BMPER: variants seen among roughly 807,000 people sequenced by gnomAD.
BMPER encodes BMP-binding endothelial regulator protein.
Under a neutral mutation model 87.3 loss-of-function variants are expected in BMPER, and 45 were observed. The ratio of observed to expected loss-of-function variants is 0.52; its 90% CI spans 0.41 to 0.66. BMPER has a LOEUF of 0.66. Among genes scored for constraint, BMPER ranks in the 30% least tolerant of loss-of-function variants. BMPER has a pLI of 0.00. For missense variants in BMPER, 784 were observed against 867.5 expected (o/e 0.90, Z 1.21); for synonymous variants, 326 against 316.2 (o/e 1.03, Z -0.33).
intron 6 of BMPER, among the ~76,000 whole-genome samples, chr7:34,027,696 A>T (rs924106869): frequency 3.3e-5 from 5 of 152,212 alleles, no homozygotes; most frequent in Non-Finnish European, 7.4e-5. Flanking sequence ...AAAATTTTTT[A>T]AAAAATGAGC....
intron 11 of BMPER, among the ~76,000 whole-genome samples, chr7:34,077,550 A>G (rs2127973242): frequency 6.6e-6 from 1 of 152,244 alleles, no homozygotes; most frequent in African/African-American, 2.4e-5. Context: ...TTTCTTTTAT[A>G]CTCTCTATTA....
intron 2 of BMPER, among the ~76,000 whole-genome samples, chr7:33,923,364 G>A (rs1286734001): frequency 6.6e-6 from 1 of 152,172 alleles, no homozygotes; most frequent in Non-Finnish European, 1.5e-5. Context: ...TGGTCACTAA[G>A]CTCTAGTGGG....
intron 13 of BMPER, among the ~76,000 whole-genome samples, chr7:34,108,930 G>T (rs1348946804): frequency 6.6e-6 from 1 of 152,180 alleles, no homozygotes; most frequent in Admixed American, 6.6e-5. Context: ...AGAGTGGGTG[G>T]TCATGGAAGG....
intron 6 of BMPER, among the ~76,000 whole-genome samples, chr7:34,032,480 T>TA (rs142888541): frequency 0.017 from 2,544 of 152,244 alleles, 77 homozygotes; most frequent in African/African-American, 0.058. Context: ...AATCGAATGA[T>TA]AGAGAAGATT....
chr7:34,015,360 A>G (rs568918623), intron 6 of BMPER, among the ~76,000 whole-genome samples: 1 of 152,114 alleles, frequency 6.6e-6, no homozygotes, highest in Non-Finnish European at 1.5e-5. Context: ...AAGCTCTTAG[A>G]AGAGTAACCT....
At chr7:34,128,115 T>C (rs983070256) in intron 13 of BMPER, among the ~76,000 whole-genome samples, 3 of 152,332 alleles carry the variant, frequency 2.0e-5, no homozygotes, top group South Asian at 2.1e-4. Context: ...TTGATGTTCT[T>C]GGGTCCCCAA....
intron 6 of BMPER, among the ~76,000 whole-genome samples, chr7:34,036,954 C>T (rs1335104018): frequency 6.6e-6 from 1 of 152,104 alleles, no homozygotes; most frequent in Non-Finnish European, 1.5e-5. Context: ...GCAGGAAGAG[C>T]TAAGATCAAG....
chr7:34,101,436 G>A (rs1280973220), intron 13 of BMPER, among the ~76,000 whole-genome samples: 3 of 152,130 alleles, frequency 2.0e-5, no homozygotes, highest in Non-Finnish European at 4.4e-5. Flanking sequence ...TACATCAGGT[G>A]GAAAATCTCT....
At chr7:34,093,825 G>T (rs999316620) in intron 13 of BMPER, among the ~76,000 whole-genome samples, 1 of 152,102 alleles carries the variant, frequency 6.6e-6, no homozygotes, top group African/African-American at 2.4e-5. Context: ...ATCTCTTTTG[G>T]CTGCTTAGGG....
rs529734867 is a variant in BMPER, at chr7:34,141,378, G to A, written c.1746-1852G>A. Among the ~76,000 whole-genome samples, 51 of 152,032 alleles carry A rather than the reference G, an allele frequency of 3.4e-4. 1 individual carries two copies. Among genetic ancestry groups the A allele is most frequent in the Non-Finnish European group, 6.9e-4 (47 of 68,008 alleles). ...TAACCCCAGCACTTTGGGAGGCCGA[G>A]GTGGGTGGATCATCTGAGGTCAGGA... On this transcript the variant is annotated intron_variant, in intron 13 of 14. Coordinates refer to ENST00000649409, the MANE Select transcript of BMPER (RefSeq NM_001365308.1).
At chr7:34,145,500 C>T (rs1160273525) in intron 14 of BMPER, among the ~76,000 whole-genome samples, 1 of 152,142 alleles carries the variant, frequency 6.6e-6, no homozygotes, top group African/African-American at 2.4e-5. Flanking sequence ...GGCAAATGGT[C>T]CACCTCTAAC....
intron 13 of BMPER, among the ~76,000 whole-genome samples, chr7:34,112,548 C>T: frequency 6.8e-6 from 1 of 146,296 alleles, no homozygotes; most frequent in African/African-American, 2.5e-5. Context: ...AAAATCACTT[C>T]ATCCAGAGAA....
Position 34,079,302 on chromosome 7 carries a change from G to A in BMPER, c.1408+116G>A, listed in dbSNP as rs1788951622. 8.1e-6 allele frequency: 11 copies of A among 1,352,628 alleles called. No individual in the cohort carries two copies. In the South Asian group the frequency reaches 9.0e-5, roughly 11 times the overall value. The allele number at this position is 1,352,628 out of a possible 1,614,324, so 83.8% of individuals were successfully genotyped here. A position where few individuals can be genotyped will look rare whatever the true frequency, so the allele number is the denominator to read the frequency against. ...GTTCCTCCTCCGAGCAAAAACCCAA[G>A]GCAGAGCCAGGTTCCAACTGCGGGA... On this transcript the variant is annotated intron_variant, in intron 12 of 14. Transcript: ENST00000649409.
chr7:34,114,997 A>G (rs1191141170), intron 13 of BMPER, among the ~76,000 whole-genome samples: 2 of 152,262 alleles, frequency 1.3e-5, no homozygotes, highest in Non-Finnish European at 2.9e-5. Flanking sequence ...AGAATATTCA[A>G]TTAGCAATTA....
At chr7:34,062,813 T>G (rs1458559795) in intron 11 of BMPER, among the ~76,000 whole-genome samples, 2 of 152,218 alleles carry the variant, frequency 1.3e-5, no homozygotes, top group Admixed American at 6.5e-5. Flanking sequence ...AGAAAAGGTA[T>G]AGTAAAAATG....
chr7:34,103,420 A>G (rs189670914), intron 13 of BMPER, among the ~76,000 whole-genome samples: 26 of 152,274 alleles, frequency 1.7e-4, no homozygotes, highest in African/African-American at 6.3e-4. Flanking sequence ...GAAACCTGGT[A>G]TTCTACAGGG....
At chr7:34,138,311 TCC>T (rs1053679926) in intron 13 of BMPER, among the ~76,000 whole-genome samples, 4 of 152,164 alleles carry the variant, frequency 2.6e-5, no homozygotes, top group African/African-American at 9.7e-5. Flanking sequence ...TCAGTTCTGA[TCC>T]CACTACCGTG....
intron 7 of BMPER, among the ~76,000 whole-genome samples, chr7:34,048,248 A>T (rs1788042406): frequency 6.6e-6 from 1 of 152,108 alleles, no homozygotes; most frequent in Admixed American, 6.5e-5. Context: ...GGTATTTTTT[A>T]AAACTAGGAG....
chr7:33,926,650 T>G (rs1178524688), intron 2 of BMPER, among the ~76,000 whole-genome samples: 1 of 152,260 alleles, frequency 6.6e-6, no homozygotes, highest in Non-Finnish European at 1.5e-5. Context: ...CTCCAGTTTT[T>G]TTCTGACATC....
Sources: allele counts gnomAD v4.1 joint callset (sites outside exome capture counted in the v4.1 genomes callset), GRCh38; gene constraint gnomAD v4.1.1; transcripts MANE v1.5; gene names NCBI Gene and HGNC (gene_info 2026-07-23, HGNC 2026-07-21).